LRP1B: variants seen among roughly 807,000 people sequenced by gnomAD.
LRP1B encodes the protein LDL receptor related protein 1B, also known as low-density lipoprotein receptor-related protein 1B.
In LRP1B, 217 loss-of-function variants were observed where a neutral mutation model predicts 556.6. That is an observed-to-expected ratio of 0.39 (90% CI 0.35 to 0.44). The LOEUF is 0.44. Ranked by LOEUF, LRP1B falls within the 20% of genes least tolerant of loss-of-function variation. The probability of loss-of-function intolerance (pLI) is 1.00; values close to 1 mark genes in which losing one functional copy is unlikely to be tolerated. For missense variants in LRP1B, 5,053 were observed against 5,620.8 expected, an observed-to-expected ratio of 0.90 and a Z score of 3.23; for synonymous variants, 2,047 against 1,865.8, an observed-to-expected ratio of 1.10 and a Z score of -2.50.
At chr2:141,651,240 T>TTA in intron 2 of LRP1B, among the ~76,000 whole-genome samples, 1 of 152,174 alleles carries the variant, frequency 6.6e-6, no homozygotes, top group Non-Finnish European at 1.5e-5. Flanking sequence ...CTCCACAGGT[T>TTA]TATATATATC....
chr2:141,961,020 A>G (rs1350225068), intron 1 of LRP1B, among the ~76,000 whole-genome samples: 1 of 151,792 alleles, frequency 6.6e-6, no homozygotes, highest in East Asian at 1.9e-4. Flanking sequence ...AAATATGATT[A>G]ACTATAAATA....
At chr2:140,287,328 C>G (rs1683188521) in intron 84 of LRP1B, among the ~76,000 whole-genome samples, 1 of 151,762 alleles carries the variant, frequency 6.6e-6, no homozygotes, top group Non-Finnish European at 1.5e-5. Context: ...AAAATACTAG[C>G]TTAATTCTAG....
chr2:141,589,323 G>C (rs1281035189), intron 2 of LRP1B, among the ~76,000 whole-genome samples: 2 of 152,108 alleles, frequency 1.3e-5, no homozygotes, highest in African/African-American at 4.8e-5. Flanking sequence ...AGCGACCTCT[G>C]ACCATCATTA....
At chr2:141,335,870 C>A (rs2683856) in intron 3 of LRP1B, among the ~76,000 whole-genome samples, 87,673 of 151,714 alleles carry the variant, frequency 0.58, 26,207 homozygotes, top group African/African-American at 0.67. Flanking sequence ...ATATACAGAC[C>A]TAAATCAAAA....
At chr2:140,436,548 G>T (rs1686188970) in intron 66 of LRP1B, among the ~76,000 whole-genome samples, 1 of 151,094 alleles carries the variant, frequency 6.6e-6, no homozygotes, top group Non-Finnish European at 1.5e-5. Context: ...CCGAGAAGTG[G>T]AAAGCAGTAA....
chr2:141,427,709 GTTAA>G (rs1243038723), intron 3 of LRP1B, among the ~76,000 whole-genome samples: 4 of 151,950 alleles, frequency 2.6e-5, no homozygotes, highest in African/African-American at 9.7e-5. Flanking sequence ...TGGTTGGTTG[GTTAA>G]TTGTTTCTCA....
At chr2:141,225,599 T>G (rs1416938476) in intron 6 of LRP1B, among the ~76,000 whole-genome samples, 1 of 152,182 alleles carries the variant, frequency 6.6e-6, no homozygotes, top group Admixed American at 6.5e-5. Flanking sequence ...AGAAAACACC[T>G]AACTCCAAAA....
At chr2:140,669,312 T>C (rs1301304494) in intron 41 of LRP1B, among the ~76,000 whole-genome samples, 4 of 152,188 alleles carry the variant, frequency 2.6e-5, no homozygotes, top group Non-Finnish European at 5.9e-5. Flanking sequence ...TAGTATATCA[T>C]GTTAATAATC....
At chr2:141,814,451 G>A (rs1424159257) in intron 1 of LRP1B, among the ~76,000 whole-genome samples, 1 of 152,102 alleles carries the variant, frequency 6.6e-6, no homozygotes, top group Non-Finnish European at 1.5e-5. Context: ...AATATATACT[G>A]CAGTGAAGTG....
rs1404696047 is a variant in LRP1B, at chr2:140,324,020, A to G, written c.12387T>C (p.Tyr4129=). ...HRIDIFEDYI[Y]GAGPKNGVFR... is the part of the protein sequence containing the mutation. ...ATACACCATTTTTAGGTCCTGCTCC[A>G]TATATATAATCTTCAAAGATATCGA... Residue 4129 remains tyrosine, a synonymous_variant, in exon 81 of 91, where the codon TAT becomes TAC. Transcript: ENST00000389484. 2 of 1,610,256 alleles carry G rather than the reference A, an allele frequency of 1.2e-6. No individual in the cohort carries two copies. The highest frequency in any genetic ancestry group is 1.3e-5 in the African/African-American group (1 of 74,916).
chr2:140,559,381 C>A (rs1405121538), intron 43 of LRP1B, among the ~76,000 whole-genome samples: 1 of 151,706 alleles, frequency 6.6e-6, no homozygotes, highest in Middle Eastern at 3.2e-3. Flanking sequence ...ATTAAAAGTT[C>A]CACAAAAAGT....
intron 35 of LRP1B, among the ~76,000 whole-genome samples, chr2:140,720,370 A>G (rs1379754033): frequency 6.6e-6 from 1 of 152,068 alleles, no homozygotes; most frequent in East Asian, 1.9e-4. Flanking sequence ...TTATAATTAC[A>G]TCTCTACAGA....
chr2:140,680,778 C>T (rs1352454012), intron 41 of LRP1B, among the ~76,000 whole-genome samples: 1 of 152,070 alleles, frequency 6.6e-6, no homozygotes, highest in Non-Finnish European at 1.5e-5. Context: ...CTAATGTGAC[C>T]CAGGTCTCAT....
chr2:141,100,243 G>C (rs1700425479), intron 7 of LRP1B, among the ~76,000 whole-genome samples: 2 of 152,168 alleles, frequency 1.3e-5, no homozygotes, highest in African/African-American at 2.4e-5. Context: ...GGCAAGCACA[G>C]TGCCTAGCAC....
chr2:141,333,379 C>T (rs1169375179), intron 3 of LRP1B, among the ~76,000 whole-genome samples: 2 of 152,172 alleles, frequency 1.3e-5, no homozygotes, highest in East Asian at 3.9e-4. Context: ...TTTCAGCTCC[C>T]TTTTTTCTTT....
At chr2:140,268,946 A>G (rs1386430954) in intron 86 of LRP1B, among the ~76,000 whole-genome samples, 5 of 152,112 alleles carry the variant, frequency 3.3e-5, no homozygotes, top group African/African-American at 9.6e-5. Context: ...ATTATTCCAA[A>G]TATAGCATAT....
chr2:141,308,195 G>A (rs1307650792), intron 3 of LRP1B, among the ~76,000 whole-genome samples: 1 of 152,074 alleles, frequency 6.6e-6, no homozygotes, highest in East Asian at 1.9e-4. Flanking sequence ...TGCAAAATAG[G>A]ACTTTCACCT....
At chr2:141,597,419 C>T (rs142318930) in intron 2 of LRP1B, among the ~76,000 whole-genome samples, 60 of 152,132 alleles carry the variant, frequency 3.9e-4, no homozygotes, top group Non-Finnish European at 7.7e-4. Context: ...GTGGCCTTCC[C>T]AGTTAAGCAC....
At chr2:140,279,917 A>G (rs1682846019) in intron 84 of LRP1B, among the ~76,000 whole-genome samples, 1 of 151,924 alleles carries the variant, frequency 6.6e-6, no homozygotes, top group East Asian at 1.9e-4. Flanking sequence ...TTTATAAAAG[A>G]TAGATACATA....
Sources: gnomAD v4.1 joint callset for allele counts (sites outside exome capture counted in the v4.1 genomes callset) on GRCh38, gnomAD v4.1.1 for gene constraint, MANE v1.5 for transcripts, NCBI Gene and HGNC (gene_info 2026-07-23, HGNC 2026-07-21) for gene names.